The following IFT74 variants were observed in gnomAD, a reference collection of about 807,000 sequenced individuals.
IFT74 encodes intraflagellar transport 74, also known as intraflagellar transport protein 74 homolog.
IFT74 carries 92 observed loss-of-function variants against 96.7 expected under a neutral mutation model. The observed-to-expected ratio is 0.95, with a 90% CI of 0.80 to 1.13. The LOEUF is 1.13. IFT74 is among the 50% of genes most tolerant of loss of function. The pLI, the probability that IFT74 is intolerant of heterozygous loss-of-function variation, is 0.00. For missense variants in IFT74, 811 were observed against 698.2 expected, an observed-to-expected ratio of 1.16 and a Z score of -1.82; for synonymous variants, 223 against 213.2, an observed-to-expected ratio of 1.05 and a Z score of -0.40.
At chr9:27,036,183 G>A (rs1819171974) in intron 13 of IFT74, among the ~76,000 whole-genome samples, 1 of 152,170 alleles carries the variant, frequency 6.6e-6, no homozygotes, top group South Asian at 2.1e-4. Flanking sequence ...TTCACATTGA[G>A]TAGACTGAGG....
At chr9:27,009,281 T>A in intron 9 of IFT74, 123 bp downstream of exon 9, 1 of 787,220 alleles carries the variant, frequency 1.3e-6, no homozygotes, top group Admixed American at 2.7e-5. Flanking sequence ...AGTTTTCATT[T>A]TAACAAGGTC....
At chr9:26,961,370 G>A (rs1477067241) in intron 1 of IFT74, among the ~76,000 whole-genome samples, 3 of 152,038 alleles carry the variant, frequency 2.0e-5, no homozygotes, top group African/African-American at 4.8e-5. Flanking sequence ...GGTTACACGC[G>A]TTTGCCACTG....
chr9:27,023,044 C>A (rs1160245577), intron 12 of IFT74, among the ~76,000 whole-genome samples: 1 of 152,156 alleles, frequency 6.6e-6, no homozygotes, highest in Non-Finnish European at 1.5e-5. Context: ...TTTATAAGAT[C>A]TAGGAGTTTT....
chr9:27,009,678 A>G (rs1828955612), intron 9 of IFT74, among the ~76,000 whole-genome samples: 1 of 152,042 alleles, frequency 6.6e-6, no homozygotes, highest in African/African-American at 2.4e-5. Context: ...TCTCAAAAAA[A>G]AAAAGGCCTC....
intron 9 of IFT74, among the ~76,000 whole-genome samples, chr9:27,011,239 G>A (rs1010312116): frequency 2.0e-5 from 3 of 152,036 alleles, no homozygotes; most frequent in Non-Finnish European, 4.4e-5. Flanking sequence ...GCAACAGAGC[G>A]AGACTCTGTC....
intron 8 of IFT74, among the ~76,000 whole-genome samples, chr9:27,004,752 T>C (rs1481748962): frequency 6.6e-6 from 1 of 152,186 alleles, no homozygotes; most frequent in African/African-American, 2.4e-5. Flanking sequence ...ACTTAGGAGC[T>C]AATATAAAAT....
chr9:26,971,214 T>G (rs867240648), intron 2 of IFT74, among the ~76,000 whole-genome samples: 25 of 152,240 alleles, frequency 1.6e-4, no homozygotes, highest in African/African-American at 6.0e-4. Flanking sequence ...GGGGGCATTT[T>G]AGTGTAGTTA....
Position 27,065,224 on chromosome 9 carries a change from T to A in IFT74, c.*2488T>A, listed in dbSNP as rs1000861157. Among the ~76,000 whole-genome samples, 11 of 152,174 alleles carry A rather than the reference T, an allele frequency of 7.2e-5. No homozygotes were observed. Among genetic ancestry groups the A allele is most frequent in the African/African-American group, 2.4e-4 (10 of 41,450 alleles). ...AATAATTGAGCAGGATTTCTTTAAA[T>A]TAAAACATGTTTTATCTGAGGGAAA... is the stretch of plus-strand genomic sequence containing the variant. On this transcript the variant is annotated 3_prime_UTR_variant, in exon 20 of 20. Coordinates refer to ENST00000380062, the MANE Select transcript of IFT74 (RefSeq NM_025103.4).
Position 26,990,114 on chromosome 9 carries a change from T to C in IFT74, c.526-20T>C. 1 of 1,455,226 alleles carries C rather than the reference T, an allele frequency of 6.9e-7. No individual in the cohort carries two copies. The highest frequency in any genetic ancestry group is 1.5e-5 in the South Asian group (1 of 65,594). The allele number at this position is 1,455,226 out of a possible 1,614,324, so 90.1% of individuals were successfully genotyped here. On this transcript the variant is annotated intron_variant, in intron 7 of 19. Coordinates refer to ENST00000380062, the MANE Select transcript of IFT74 (RefSeq NM_025103.4). Reference sequence around the variant, plus strand: ...GTTTAATATTTATTTCTTACTAACTTATGTGTTAACTTTATTCAGCTTAAA... The same window carrying C: ...GTTTAATATTTATTTCTTACTAACTCATGTGTTAACTTTATTCAGCTTAAA...
intron 8 of IFT74, among the ~76,000 whole-genome samples, chr9:27,004,578 A>G (rs1484693109): frequency 6.6e-6 from 1 of 152,236 alleles, no homozygotes; most frequent in African/African-American, 2.4e-5. Flanking sequence ...GATACGCAGA[A>G]TAGCTGGCCA....
intron 10 of IFT74, among the ~76,000 whole-genome samples, chr9:27,016,624 GGTAGA>G (rs1829355357): frequency 6.6e-6 from 1 of 152,080 alleles, no homozygotes; most frequent in Non-Finnish European, 1.5e-5. Context: ...TCCTCCCATT[GGTAGA>G]GTTGTCCTAT....
chr9:26,959,865 C>T (rs1373816168), intron 1 of IFT74, among the ~76,000 whole-genome samples: 1 of 152,210 alleles, frequency 6.6e-6, no homozygotes, highest in African/African-American at 2.4e-5. Flanking sequence ...AGATTTGTGA[C>T]TATCACTTTG....
intron 13 of IFT74, among the ~76,000 whole-genome samples, chr9:27,032,027 G>A (rs563352975): frequency 7.2e-5 from 11 of 152,092 alleles, no homozygotes; most frequent in Non-Finnish European, 1.3e-4. Context: ...CTCTTTACTA[G>A]TGTATTCCCT....
At position 27,028,968 on chromosome 9, in the gene IFT74, T is replaced by A; in HGVS notation, c.975-57T>A. ...AAAGATATCTAACCTCCCCATCAAT[T>A]GTTTTTATTGAATGTCTATATTTCC... On this transcript the variant is annotated intron_variant, in intron 12 of 19. Coordinates refer to ENST00000380062, the MANE Select transcript of IFT74 (RefSeq NM_025103.4). 4 of 1,440,220 alleles carry A rather than the reference T, an allele frequency of 2.8e-6. No homozygotes were observed. The South Asian group carries it at 3.9e-5, about 14-fold the overall frequency. The allele number at this position is 1,440,220 out of a possible 1,614,324, so 89.2% of individuals were successfully genotyped here.
At chr9:27,024,689 A>T (rs1171426293) in intron 12 of IFT74, among the ~76,000 whole-genome samples, 1 of 152,206 alleles carries the variant, frequency 6.6e-6, no homozygotes, top group South Asian at 2.1e-4. Flanking sequence ...CAGAAAAAGA[A>T]TTCAGAAGGT....
Position 27,000,611 on chromosome 9 carries a change from G to A in IFT74, c.588-8409G>A, listed in dbSNP as rs569578462. Among the ~76,000 whole-genome samples the A allele has an allele frequency of 3.5e-4, 53 of 152,222 alleles. No homozygotes were observed. In the South Asian group the frequency reaches 9.5e-3, roughly 27 times the overall value. ...TTAATGTACTTGGGATATCCAACAC[G>A]TTAAATATTTGTCTTTTCTTTATAA... On this transcript the variant is annotated intron_variant, in intron 8 of 19. Transcript: ENST00000380062.
At chr9:27,036,843 A>C (rs2131664888) in intron 13 of IFT74, 1 of 1,028,086 alleles carries the variant, frequency 9.7e-7, no homozygotes, top group South Asian at 4.5e-5. Flanking sequence ...AACAGAAGGA[A>C]GCTGAAGCTG....
intron 2 of IFT74, among the ~76,000 whole-genome samples, chr9:26,970,538 A>G (rs1415151623): frequency 1.3e-5 from 2 of 152,222 alleles, no homozygotes; most frequent in East Asian, 3.8e-4. Context: ...GTTCTTCTCT[A>G]TACTTTGACC....
chr9:27,025,630 A>G (rs971569065), intron 12 of IFT74, among the ~76,000 whole-genome samples: 1 of 152,180 alleles, frequency 6.6e-6, no homozygotes, highest in African/African-American at 2.4e-5. Context: ...CTATCAGATC[A>G]ATAGCAGATT....
Sources: gnomAD v4.1 joint callset for allele counts (sites outside exome capture counted in the v4.1 genomes callset) on GRCh38, gnomAD v4.1.1 for gene constraint, MANE v1.5 for transcripts, NCBI Gene and HGNC (gene_info 2026-07-23, HGNC 2026-07-21) for gene names.